The following CRTAC1 variants were observed in gnomAD, a reference collection of about 807,000 sequenced individuals.
CRTAC1 encodes acidic secreted protein in cartilage.
CRTAC1 carries 37 observed loss-of-function variants against 67.8 expected under a neutral mutation model. The ratio of observed to expected loss-of-function variants is 0.55; its 90% confidence interval spans 0.42 to 0.72. The LOEUF (loss-of-function observed/expected upper bound fraction) is 0.72. Ranked by LOEUF, CRTAC1 falls within the 30% of genes least tolerant of loss-of-function variation. The pLI is 0.00. For synonymous variants in CRTAC1, 348 were observed against 371.0 expected, an observed-to-expected ratio of 0.94 and a Z score of 0.71; for missense variants, 780 against 931.6, an observed-to-expected ratio of 0.84 and a Z score of 2.12.
At chr10:98,001,102 G>A (rs1469791103) in intron 2 of CRTAC1, among the ~76,000 whole-genome samples, 4 of 152,088 alleles carry the variant, frequency 2.6e-5, no homozygotes, top group African/African-American at 7.2e-5. Context: ...TAATGGGTCC[G>A]TTCACCAGGA....
intron 3 of CRTAC1, among the ~76,000 whole-genome samples, chr10:97,934,377 G>A (rs1324628407): frequency 6.6e-6 from 1 of 152,132 alleles, no homozygotes; most frequent in Non-Finnish European, 1.5e-5. Flanking sequence ...CTCACTTGGT[G>A]GCAAGATGAG....
intron 14 of CRTAC1, chr10:97,870,366 T>A (rs1201973484): frequency 2.0e-5 from 3 of 152,170 alleles, no homozygotes; most frequent in Non-Finnish European, 4.4e-5. Flanking sequence ...ATATGCACCA[T>A]GTGATTCCCC....
chr10:98,009,815 G>A (rs1842872434), intron 2 of CRTAC1, among the ~76,000 whole-genome samples: 1 of 152,110 alleles, frequency 6.6e-6, no homozygotes, highest in Non-Finnish European at 1.5e-5. Flanking sequence ...GTGTAGTTTG[G>A]CAGCTGTAGA....
At chr10:97,920,594 AGATGATGCTGACACTGCTGG>A (rs1384923003) in intron 4 of CRTAC1, among the ~76,000 whole-genome samples, 1 of 152,162 alleles carries the variant, frequency 6.6e-6, no homozygotes, top group Non-Finnish European at 1.5e-5. Context: ...ACGAGTTCCC[AGATGATGCTGACACTGCTGG>A]TCTGGGAACC....
chr10:97,878,645 T>C, intron 14 of CRTAC1: 3 of 1,304,134 alleles, frequency 2.3e-6, no homozygotes, highest in Non-Finnish European at 3.0e-6. Context: ...ACAGGAGCAT[T>C]CTATTTTCCA....
chr10:97,973,641 C>T (rs1319413368), intron 2 of CRTAC1, among the ~76,000 whole-genome samples: 1 of 152,122 alleles, frequency 6.6e-6, no homozygotes, highest in Non-Finnish European at 1.5e-5. Context: ...CTTCCCAGCC[C>T]TTATGTTCTC....
chr10:97,923,010 T>C (rs755201890), intron 4 of CRTAC1, among the ~76,000 whole-genome samples: 1 of 152,132 alleles, frequency 6.6e-6, no homozygotes, highest in Admixed American at 6.6e-5. Flanking sequence ...TAGGCTTCCA[T>C]CCCCACAAGT....
At position 98,006,740 on chromosome 10, in the gene CRTAC1, G is replaced by C. The variant is rs576909194; in HGVS notation, c.224+4398C>G. On this transcript the variant is annotated intron_variant, in intron 2 of 14. Transcript: ENST00000370597. The stretch of plus-strand genomic sequence containing the variant: ...TCAAGTACGGAGCGCTTTATAAACT[G>C]AAGAGCTGGCTGTTCTCCCAGGGGT... Among the ~76,000 whole-genome samples the C allele has an allele frequency of 2.6e-5, 4 of 152,300 alleles. No individual in the cohort carries two copies. The East Asian group carries it at 7.7e-4, about 29-fold the overall frequency.
intron 9 of CRTAC1, 68 bp downstream of exon 9, chr10:97,896,841 G>A (rs1254718725): frequency 7.6e-5 from 21 of 277,204 alleles, no homozygotes; most frequent in South Asian, 1.8e-4. Context: ...CGTCCCTCCC[G>A]CCCTCACCCC....
intron 2 of CRTAC1, among the ~76,000 whole-genome samples, chr10:98,001,681 C>T (rs1165825911): frequency 1.3e-5 from 2 of 152,186 alleles, no homozygotes; most frequent in African/African-American, 4.8e-5. Flanking sequence ...TAACTGTAGG[C>T]TGCAAGCAGG....
At chr10:97,871,090 A>T (rs1356576038) in intron 14 of CRTAC1, 1 of 152,142 alleles carries the variant, frequency 6.6e-6, no homozygotes, top group African/African-American at 2.4e-5. Context: ...AGGTTTCCGC[A>T]TGAGCCTTCT....
At chr10:97,909,120 C>T (rs1452432873) in intron 5 of CRTAC1, among the ~76,000 whole-genome samples, 2 of 152,168 alleles carry the variant, frequency 1.3e-5, no homozygotes, top group Non-Finnish European at 2.9e-5. Context: ...CAAGCCAGCT[C>T]CACATTGGGC....
chr10:97,978,349 G>A (rs1024592585), intron 2 of CRTAC1, among the ~76,000 whole-genome samples: 2 of 152,150 alleles, frequency 1.3e-5, no homozygotes, highest in South Asian at 2.1e-4. Flanking sequence ...CCTTGGTAGC[G>A]TTCCTTTACC....
chr10:97,966,065 C>T (rs1332304277), intron 2 of CRTAC1, among the ~76,000 whole-genome samples: 5 of 152,188 alleles, frequency 3.3e-5, no homozygotes, highest in Admixed American at 6.5e-5. Context: ...AAGGCCACTA[C>T]ATAGGTAGGG....
At chr10:97,867,271 G>A (rs1186255539) in intron 14 of CRTAC1, 2 of 152,486 alleles carry the variant, frequency 1.3e-5, no homozygotes, top group Non-Finnish European at 2.9e-5. Flanking sequence ...AATGATGCCC[G>A]GCTTCTGAGG....
chr10:97,906,466 T>C (rs930824369), intron 6 of CRTAC1, among the ~76,000 whole-genome samples: 6 of 152,138 alleles, frequency 3.9e-5, no homozygotes, highest in Admixed American at 2.6e-4. Flanking sequence ...TCATTCTGAC[T>C]TTCAATTACG....
chr10:97,996,409 A>G (rs1206044050), intron 2 of CRTAC1, among the ~76,000 whole-genome samples: 7 of 151,908 alleles, frequency 4.6e-5, no homozygotes, highest in African/African-American at 1.7e-4. Context: ...CAACCCCATC[A>G]AAAAGTGGGC....
At chr10:97,899,659 A>T (rs2050506156) in intron 8 of CRTAC1, among the ~76,000 whole-genome samples, 1 of 152,248 alleles carries the variant, frequency 6.6e-6, no homozygotes, top group African/African-American at 2.4e-5. Flanking sequence ...TCAGGGGGTG[A>T]TTACATCCAG....
chr10:97,930,256 G>A (rs1471155207), intron 3 of CRTAC1, among the ~76,000 whole-genome samples: 1 of 152,242 alleles, frequency 6.6e-6, no homozygotes, highest in African/African-American at 2.4e-5. Flanking sequence ...GGCAGTCCCA[G>A]TTCCTAAGGA....
Sources: gnomAD v4.1 joint callset for allele counts (sites outside exome capture counted in the v4.1 genomes callset) on GRCh38, gnomAD v4.1.1 for gene constraint, MANE v1.5 for transcripts, NCBI Gene and HGNC (gene_info 2026-07-23, HGNC 2026-07-21) for gene names.